Variants in DEPTOR observed in about 807,000 individuals in gnomAD.
DEPTOR encodes DEP domain-containing mTOR-interacting protein.
DEPTOR carries 41 observed loss-of-function variants against 41.6 expected under a neutral mutation model. The observed-to-expected ratio is 0.98, with a 90% CI of 0.77 to 1.28. The LOEUF is 1.28. Among genes scored for constraint, DEPTOR ranks in the 50% most tolerant of loss-of-function variants. The pLI is 0.00. For synonymous variants in DEPTOR, 195 were observed against 192.3 expected (o/e 1.01, Z -0.12); for missense variants, 514 against 527.9 (o/e 0.97, Z 0.26).
intron 3 of DEPTOR, among the ~76,000 whole-genome samples, chr8:119,963,357 G>GTTT (rs567583089): frequency 1.4e-5 from 2 of 146,026 alleles, no homozygotes; most frequent in African/African-American, 5.0e-5. Context: ...GTTTTGTTTT[G>GTTT]TTTTTTTTTT....
intron 4 of DEPTOR, 44 bp from the exon 5 acceptor site, chr8:120,001,481 G>T (rs766707467): frequency 6.5e-7 from 1 of 1,533,380 alleles, no homozygotes; most frequent in East Asian, 2.3e-5. Flanking sequence ...CAGTGGCCAG[G>T]ATGCCAGATA....
chr8:119,932,938 A>G (rs1335474807), intron 3 of DEPTOR, among the ~76,000 whole-genome samples: 1 of 152,164 alleles, frequency 6.6e-6, no homozygotes, highest in Non-Finnish European at 1.5e-5. Context: ...AAGGGCAGTA[A>G]TGAGACCAGA....
chr8:120,012,583 C>T (rs1013763415), intron 8 of DEPTOR, among the ~76,000 whole-genome samples: 12 of 151,968 alleles, frequency 7.9e-5, no homozygotes, highest in African/African-American at 2.2e-4. Flanking sequence ...GTTGCCCAGG[C>T]TGGAGTGCAA....
At chr8:119,941,113 C>A (rs1241492538) in intron 3 of DEPTOR, among the ~76,000 whole-genome samples, 1 of 152,008 alleles carries the variant, frequency 6.6e-6, no homozygotes, top group Non-Finnish European at 1.5e-5. Context: ...GTGGCAGATG[C>A]CTGTAATCCC....
At chr8:119,916,591 G>C (rs73703619) in intron 1 of DEPTOR, among the ~76,000 whole-genome samples, 32,356 of 152,116 alleles carry the variant, frequency 0.21, 3,926 homozygotes, top group African/African-American at 0.31. Context: ...GGGGTCAGCA[G>C]CTCAGGAGCA....
chr8:120,003,950 G>A (rs904584691), intron 6 of DEPTOR, among the ~76,000 whole-genome samples: 2 of 152,154 alleles, frequency 1.3e-5, no homozygotes, highest in African/African-American at 2.4e-5. Context: ...GTAACCGCCA[G>A]AGAACACTCT....
chr8:120,031,622 A>G (rs1257208311), intron 8 of DEPTOR, among the ~76,000 whole-genome samples: 1 of 151,966 alleles, frequency 6.6e-6, no homozygotes, highest in Non-Finnish European at 1.5e-5. Context: ...ATTCCATCCC[A>G]TCCCAGACAT....
At chr8:120,008,100 A>G (rs1175829587) in intron 7 of DEPTOR, among the ~76,000 whole-genome samples, 2 of 152,222 alleles carry the variant, frequency 1.3e-5, no homozygotes, top group East Asian at 3.8e-4. Context: ...AATGATTTCT[A>G]TAGAAAAGGC....
intron 8 of DEPTOR, among the ~76,000 whole-genome samples, chr8:120,048,424 A>G (rs950291255): frequency 4.6e-5 from 7 of 152,190 alleles, no homozygotes; most frequent in Non-Finnish European, 7.3e-5. Context: ...TGTTTGTGTG[A>G]CCTTGATTAT....
chr8:119,909,710 CT>C (rs1827712878), intron 1 of DEPTOR, among the ~76,000 whole-genome samples: 1 of 152,250 alleles, frequency 6.6e-6, no homozygotes, highest in Admixed American at 6.5e-5. Flanking sequence ...GGCCTTGCCA[CT>C]TACAAACTAT....
chr8:119,995,540 CACGCCACTGCA>C (rs1193458593), intron 4 of DEPTOR, among the ~76,000 whole-genome samples: 20 of 150,644 alleles, frequency 1.3e-4, no homozygotes, highest in African/African-American at 4.9e-4. Flanking sequence ...GGGCCAAGAT[CACGCCACTGCA>C]CTCCAGCCTG....
intron 4 of DEPTOR, among the ~76,000 whole-genome samples, chr8:119,997,957 A>G (rs903362221): frequency 1.3e-5 from 2 of 152,164 alleles, no homozygotes; most frequent in African/African-American, 4.8e-5. Flanking sequence ...TTACAATCCA[A>G]AAAAAGTTGC....
intron 4 of DEPTOR, among the ~76,000 whole-genome samples, chr8:119,974,471 A>C (rs1474381794): frequency 6.6e-6 from 1 of 151,908 alleles, no homozygotes; most frequent in Non-Finnish European, 1.5e-5. Flanking sequence ...TCTAGGATAG[A>C]TCTCAAAAGA....
intron 8 of DEPTOR, among the ~76,000 whole-genome samples, chr8:120,046,888 C>T (rs925933231): frequency 2.0e-5 from 3 of 152,104 alleles, no homozygotes; most frequent in African/African-American, 4.8e-5. Context: ...GATAGGAAGC[C>T]GTAAGGACTG....
At chr8:119,912,297 A>G (rs939241) in intron 1 of DEPTOR, among the ~76,000 whole-genome samples, 75,799 of 152,082 alleles carry the variant, frequency 0.5, 20,607 homozygotes, top group East Asian at 0.92. Flanking sequence ...TGACTGGCAT[A>G]CACACACACA....
At chr8:120,033,852 A>C (rs1812932621) in intron 8 of DEPTOR, among the ~76,000 whole-genome samples, 1 of 152,110 alleles carries the variant, frequency 6.6e-6, no homozygotes, top group Non-Finnish European at 1.5e-5. Flanking sequence ...GAGTAGCTTG[A>C]TTGGCAACCC....
chr8:119,949,997 G>A (rs956159705), intron 3 of DEPTOR, among the ~76,000 whole-genome samples: 1 of 152,052 alleles, frequency 6.6e-6, no homozygotes, highest in African/African-American at 2.4e-5. Context: ...CCAGAAGAAG[G>A]GTAGTTTTAG....
chr8:119,925,225 A>T (rs1827948702), intron 1 of DEPTOR, among the ~76,000 whole-genome samples: 1 of 152,128 alleles, frequency 6.6e-6, no homozygotes. Context: ...CCCCGTCTCT[A>T]CTAAAAATAC....
chr8:119,900,302 C>G (rs1247279135), intron 1 of DEPTOR, among the ~76,000 whole-genome samples: 1 of 105,152 alleles, frequency 9.5e-6, no homozygotes, highest in Non-Finnish European at 1.7e-5. Flanking sequence ...CCAGCCTGGG[C>G]AACAGAGCGA....
Sources: gnomAD v4.1 joint callset for allele counts (sites outside exome capture counted in the v4.1 genomes callset) on GRCh38, gnomAD v4.1.1 for gene constraint, MANE v1.5 for transcripts, NCBI Gene and HGNC (gene_info 2026-07-23, HGNC 2026-07-21) for gene names.